The following MYT1L variants were observed in gnomAD, a reference collection of about 807,000 sequenced individuals.
MYT1L encodes myelin transcription factor 1 like.
In MYT1L, 12 loss-of-function variants were observed where a neutral mutation model predicts 126.7. The observed-to-expected ratio is 0.09, with a 90% CI of 0.06 to 0.15. The LOEUF (loss-of-function observed/expected upper bound fraction) is 0.15. Among genes scored for constraint, MYT1L ranks in the 10% least tolerant of loss-of-function variants. The pLI, the probability that MYT1L is intolerant of heterozygous loss-of-function variation, is 1.00. For missense variants in MYT1L, 979 were observed against 1,585.2 expected (o/e 0.62, Z 6.49); for synonymous variants, 541 against 604.2 (o/e 0.90, Z 1.53).
chr2:1,793,178 TCTTC>T lies in MYT1L; in HGVS notation c.3277-718_3277-715del, dbSNP rs1558567555. On this transcript the variant is annotated intron_variant, in intron 23 of 24. Coordinates refer to ENST00000647738, the MANE Select transcript of MYT1L (RefSeq NM_001303052.2). This position sits in a 1 kb window ranked among gnomAD's most constrained non-coding sequence, Gnocchi z 4.6. ...GGCTGGCACTGTGCCCACAGGGTGG[TCTTC>T]CTGCATTTCTCTAAGGAAAAAGGCC... Among the ~76,000 whole-genome samples the T allele has an allele frequency of 6.6e-6, 1 of 152,312 alleles. No homozygotes were observed. The highest frequency in any genetic ancestry group is 1.9e-4 in the East Asian group (1 of 5,160).
At chr2:1,792,553 A>C (rs1236635570) in intron 23 of MYT1L, 89 bp from the exon 24 acceptor site, 1 of 1,379,770 alleles carries the variant, frequency 7.2e-7, no homozygotes, top group African/African-American at 1.4e-5. Context: ...ACTGGGTGCG[A>C]AGAAGGGGCC....
intron 2 of MYT1L, among the ~76,000 whole-genome samples, chr2:2,250,203 A>C (rs1559458862): frequency 6.6e-6 from 1 of 152,218 alleles, no homozygotes; most frequent in African/African-American, 2.4e-5. Flanking sequence ...GTAATTGAAG[A>C]GATCTCTGCA....
Position 2,230,945 on chromosome 2 carries a change from C to A in MYT1L, c.-421+53459G>T, listed in dbSNP as rs549832258. ...GGTTCCATGGAGCACTACTGTGAGA[C>A]GGCTGTTCAGGCCACACCACTGGCC... On this transcript the variant is annotated intron_variant, in intron 2 of 24. Transcript: ENST00000647738. 1.1e-4 allele frequency among the ~76,000 whole-genome samples: 17 copies of A among 152,266 alleles called. No homozygotes were observed. The East Asian group carries it at 3.1e-3, about 28-fold the overall frequency.
intron 3 of MYT1L, among the ~76,000 whole-genome samples, chr2:2,154,094 C>A (rs1053408465): frequency 6.6e-6 from 1 of 152,112 alleles, no homozygotes. Flanking sequence ...AGGGGCTCAG[C>A]GGGCGTTTTG....
intron 2 of MYT1L, among the ~76,000 whole-genome samples, chr2:2,235,343 T>A (rs970870718): frequency 2.0e-5 from 3 of 148,500 alleles, no homozygotes; most frequent in Admixed American, 6.7e-5. Flanking sequence ...GGTTAGCGTG[T>A]TCCTCAGAGC....
At chr2:1,933,897 G>A (rs2149196656) in intron 9 of MYT1L, among the ~76,000 whole-genome samples, 2 of 151,834 alleles carry the variant, frequency 1.3e-5, no homozygotes, top group Middle Eastern at 6.9e-3. Flanking sequence ...AAACACATTG[G>A]TCTAGGGTTT....
At chr2:2,019,926 C>T (rs2064859639) in intron 4 of MYT1L, among the ~76,000 whole-genome samples, 1 of 152,150 alleles carries the variant, frequency 6.6e-6, no homozygotes, top group Admixed American at 6.5e-5. Context: ...CTCGCTGCAA[C>T]CTCTGCCTCC....
intron 21 of MYT1L, among the ~76,000 whole-genome samples, chr2:1,830,311 C>T (rs916799371): frequency 6.6e-5 from 10 of 152,206 alleles, no homozygotes; most frequent in African/African-American, 2.4e-4. Context: ...ATCTTTAAAA[C>T]AGGGATAATT....
At chr2:2,250,909 GA>G (rs1203558002) in intron 2 of MYT1L, among the ~76,000 whole-genome samples, 3 of 151,870 alleles carry the variant, frequency 2.0e-5, no homozygotes, top group Middle Eastern at 3.4e-3. Context: ...AATATATAAA[GA>G]AAAAAATTAA....
At chr2:1,807,570 G>T (rs114148797) in intron 22 of MYT1L, among the ~76,000 whole-genome samples, 3 of 152,124 alleles carry the variant, frequency 2.0e-5, no homozygotes, top group African/African-American at 7.2e-5. Context: ...AGGTTTGCAG[G>T]CTCCATTTAG....
At chr2:2,216,529 G>A (rs2093681097) in intron 2 of MYT1L, among the ~76,000 whole-genome samples, 1 of 152,100 alleles carries the variant, frequency 6.6e-6, no homozygotes, top group Admixed American at 6.6e-5. Context: ...ATTGTTCTGG[G>A]CATTTAATTT....
At chr2:2,013,690 T>A (rs867697652) in intron 4 of MYT1L, among the ~76,000 whole-genome samples, 2 of 152,172 alleles carry the variant, frequency 1.3e-5, no homozygotes, top group African/African-American at 4.8e-5. Context: ...ACCAACTCCA[T>A]CTCGCTGGGC....
chr2:2,115,155 T>C (rs2080032038), intron 3 of MYT1L, among the ~76,000 whole-genome samples: 1 of 152,248 alleles, frequency 6.6e-6, no homozygotes, highest in Non-Finnish European at 1.5e-5. Flanking sequence ...AGGTGATCTG[T>C]TGATCACTCT....
intron 2 of MYT1L, among the ~76,000 whole-genome samples, chr2:2,269,299 G>A (rs1220693250): frequency 1.3e-5 from 2 of 152,194 alleles, no homozygotes; most frequent in African/African-American, 4.8e-5. Context: ...TGTATTCTCA[G>A]GCTGTGCGCT....
Position 1,917,419 on chromosome 2 carries a change from C to A in MYT1L, c.1484-80G>T. On this transcript the variant is annotated intron_variant, in intron 10 of 24. Coordinates refer to ENST00000647738, the MANE Select transcript of MYT1L (RefSeq NM_001303052.2). The surrounding 1 kb of genome is among the most constrained non-coding windows in gnomAD (Gnocchi z 5.9). Reference sequence around the variant, plus strand: ...GTGATTATTTCACAATCTGAAGAAACCTTGCTAAAGAAAGAAATAAAGCAG... The same window carrying A: ...GTGATTATTTCACAATCTGAAGAAAACTTGCTAAAGAAAGAAATAAAGCAG... 6.7e-7 allele frequency: 1 copy of A among 1,491,598 alleles called. No individual in the cohort carries two copies. The highest frequency in any genetic ancestry group is 9.1e-7 in the Non-Finnish European group (1 of 1,102,216). 92.4% of individuals were successfully genotyped at this position (1,491,598 alleles called of 1,614,324 possible). A position where few individuals can be genotyped will look rare whatever the true frequency, so the allele number is the denominator to read the frequency against.
chr2:2,198,273 G>A (rs188154557), intron 2 of MYT1L, among the ~76,000 whole-genome samples: 112 of 152,158 alleles, frequency 7.4e-4, no homozygotes, highest in Non-Finnish European at 1.3e-3. Flanking sequence ...AGGGGCAGGG[G>A]TATGGGCCCC....
At chr2:2,125,495 T>A (rs891908345) in intron 3 of MYT1L, among the ~76,000 whole-genome samples, 2 of 152,220 alleles carry the variant, frequency 1.3e-5, no homozygotes, top group Non-Finnish European at 2.9e-5. Flanking sequence ...TCTGCTCACC[T>A]GTGTATTGCT....
intron 18 of MYT1L, among the ~76,000 whole-genome samples, chr2:1,865,736 A>G (rs1425934642): frequency 6.6e-6 from 1 of 152,070 alleles, no homozygotes; most frequent in Admixed American, 6.6e-5. Context: ...TGAGCTCTGC[A>G]GGGGTAAGAA....
intron 21 of MYT1L, among the ~76,000 whole-genome samples, chr2:1,832,411 A>C (rs977345072): frequency 2.0e-5 from 3 of 152,178 alleles, no homozygotes; most frequent in African/African-American, 7.2e-5. Flanking sequence ...TAAGATACCC[A>C]TGGCGTTCAA....
Sources: gnomAD v4.1 joint callset for allele counts (sites outside exome capture counted in the v4.1 genomes callset) on GRCh38, gnomAD v4.1.1 for gene constraint, Gnocchi (gnomAD v3.1) non-coding constraint, MANE v1.5 for transcripts, NCBI Gene and HGNC (gene_info 2026-07-23, HGNC 2026-07-21) for gene names.